Variants in OTUB1 observed in about 807,000 individuals in gnomAD.
OTUB1 encodes the protein OTU deubiquitinase, ubiquitin aldehyde binding 1, also known as ubiquitin thioesterase OTUB1.
OTUB1 carries 10 observed loss-of-function variants against 35.8 expected under a neutral mutation model. The observed-to-expected ratio is 0.28, with a 90% CI of 0.17 to 0.47. The LOEUF (loss-of-function observed/expected upper bound fraction) is 0.47, where lower values mean the gene tolerates loss of function less well. Ranked by LOEUF, OTUB1 falls within the 20% of genes least tolerant of loss-of-function variation. The pLI, the probability that OTUB1 is intolerant of heterozygous loss-of-function variation, is 0.99. For missense variants in OTUB1, 264 were observed against 351.6 expected, an observed-to-expected ratio of 0.75 and a Z score of 1.99; for synonymous variants, 158 against 143.8, an observed-to-expected ratio of 1.10 and a Z score of -0.71.
At position 63,996,958 on chromosome 11, in the gene OTUB1, G is replaced by A. The variant is rs1306534722; in HGVS notation, c.423+17G>A. The A allele has an allele frequency of 4.3e-6, 7 of 1,613,768 alleles. No homozygotes were observed. The highest frequency in any genetic ancestry group is 1.7e-4 in the Middle Eastern group (1 of 6,050). On this transcript the variant is annotated intron_variant, in intron 5 of 6. Coordinates refer to ENST00000538426, the MANE Select transcript of OTUB1 (RefSeq NM_017670.3). ...CACAACACGGTGAGCCCTGGTGCCT[G>A]TCTTGGGCTGGGCCATGGGGGAGGG...
Position 63,996,878 on chromosome 11 carries a change from G to A in OTUB1, c.360G>A (p.Lys120=). ...CCAGGTTCAAGGCTGTGTCTGCCAA[G>A]AGCAAGGAAGACCTGGTGTCCCAGG... is the stretch of plus-strand genomic sequence containing the variant. ...ELQRFKAVSA[K]SKEDLVSQGF... The change falls in exon 5 of 7, where the codon AAG becomes AAA. Residue 120 remains lysine, a synonymous_variant. Transcript: ENST00000538426. The A allele has an allele frequency of 6.2e-7, 1 of 1,614,196 alleles. No individual in the cohort carries two copies. Among genetic ancestry groups the A allele is most frequent in the Middle Eastern group, 1.7e-4 (1 of 6,060 alleles).
At chr11:63,988,221 C>A in intron 1 of OTUB1, 116 bp from the exon 2 acceptor site, 1 of 763,542 alleles carries the variant, frequency 1.3e-6, no homozygotes, top group Non-Finnish European at 2.1e-6. Flanking sequence ...AACATACCTG[C>A]TTCCAGATTC....
At chr11:63,989,765 CT>C (rs1426379936) in intron 3 of OTUB1, 2 of 149,362 alleles carry the variant, frequency 1.3e-5, no homozygotes, top group African/African-American at 5.0e-5. Context: ...GTGGCTTACA[CT>C]TGTAATCCCA....
chr11:63,993,261 A>G (rs561564114), intron 3 of OTUB1, among the ~76,000 whole-genome samples: 98 of 152,318 alleles, frequency 6.4e-4, no homozygotes, highest in Admixed American at 1.8e-3. Flanking sequence ...AGCTGCACTC[A>G]GTGGAAATGC....
In OTUB1 at chr11:63,986,479, A is replaced by C. The variant is rs1011086053; in HGVS notation, c.23A>C (p.Gln8Pro). 2.9e-5 allele frequency: 45 copies of C among 1,554,770 alleles called. No individual in the cohort carries two copies. Among genetic ancestry groups the C allele is most frequent in the Non-Finnish European group, 3.8e-5 (44 of 1,149,524 alleles). MAAEEPQ[Q>P]QKQEPLGSDS... ...AAGATGGCGGCGGAGGAACCTCAGC[A>C]GCAGAAGCAGGAGCCGCTGGGCAGC... The change falls in exon 1 of 7, where the codon CAG becomes CCG. Residue 8 changes from glutamine (Q) to proline (P), a missense_variant. Coordinates refer to ENST00000538426, the MANE Select transcript of OTUB1 (RefSeq NM_017670.3).
intron 1 of OTUB1, chr11:63,986,858 A>AGAGGCCTACGCCAGGGCC (rs1193557171): frequency 3.6e-6 from 1 of 274,682 alleles, no homozygotes; most frequent in Non-Finnish European, 6.8e-6. Flanking sequence ...AGTCAGGCAG[A>AGAGGCCTACGCCAGGGCC]GAGGCCTACG....
chr11:63,987,520 C>G (rs536691612), intron 1 of OTUB1, among the ~76,000 whole-genome samples: 2 of 152,032 alleles, frequency 1.3e-5, no homozygotes, highest in Admixed American at 6.5e-5. Context: ...GGCGAGGGTA[C>G]TCGCCCCATT....
In OTUB1 at chr11:63,997,106, C is replaced by T; in HGVS notation, c.480C>T (p.Ala160=). ...EKQTSVADLL[A]SFNDQSTSDY... ...AGACCTCTGTCGCCGACCTGCTGGC[C>T]TCCTTCAATGACCAGAGCACCTCCG... Residue 160 remains alanine, a synonymous_variant, in exon 6 of 7, where the codon GCC becomes GCT. Coordinates refer to ENST00000538426, the MANE Select transcript of OTUB1 (RefSeq NM_017670.3). 1.2e-6 allele frequency: 2 copies of T among 1,614,238 alleles called. No individual in the cohort carries two copies. The highest frequency in any genetic ancestry group is 1.1e-5 in the South Asian group (1 of 91,080).
chr11:63,997,295 C>A (rs1489263197), intron 6 of OTUB1, 51 bp downstream of exon 6: 1 of 1,611,064 alleles, frequency 6.2e-7, no homozygotes, highest in Non-Finnish European at 8.5e-7. Context: ...AGTGGGCCCA[C>A]AGGGCCTGGG....
In OTUB1 at chr11:63,996,644, C is replaced by T; in HGVS notation, c.334C>T (p.Gln112Ter). The T allele has an allele frequency of 6.2e-7, 1 of 1,614,214 alleles. No homozygotes were observed. Among genetic ancestry groups the T allele is most frequent in the Non-Finnish European group, 8.5e-7 (1 of 1,180,030 alleles). ...EALLDDSKEL[Q>*]RFKAVSAKSK... Reference sequence around the variant, plus strand: ...ACTGCTGGATGACAGCAAGGAGTTGCAGCGGTGAGAAGGGTGGGCACTGGG... The same window carrying T: ...ACTGCTGGATGACAGCAAGGAGTTGTAGCGGTGAGAAGGGTGGGCACTGGG... Residue 112 changes from glutamine to a stop codon, truncating the protein, a stop_gained, in exon 4 of 7, where the codon CAG (glutamine) becomes TAG (stop). Coordinates refer to ENST00000538426, the MANE Select transcript of OTUB1 (RefSeq NM_017670.3). LOFTEE classifies it high-confidence loss of function.
intron 3 of OTUB1, among the ~76,000 whole-genome samples, chr11:63,991,939 C>T (rs1221817859): frequency 6.6e-6 from 1 of 152,096 alleles, no homozygotes; most frequent in East Asian, 1.9e-4. Flanking sequence ...GGATCGGGGC[C>T]GGGCGTGGTG....
chr11:63,988,643 G>A lies in OTUB1; in HGVS notation c.121-11G>A, dbSNP rs1295638377. On this transcript the variant is annotated splice_polypyrimidine_tract_variant and intron_variant, in intron 2 of 6. Coordinates refer to ENST00000538426, the MANE Select transcript of OTUB1 (RefSeq NM_017670.3). ...CCCTGCTAGGACATGACAGATCCCTGCCTCCTCCAGATTGCTGTGCAGAAC... is the reference window on the plus strand; with the variant it reads ...CCCTGCTAGGACATGACAGATCCCTACCTCCTCCAGATTGCTGTGCAGAAC... 1 of 1,598,528 alleles carries A rather than the reference G, an allele frequency of 6.3e-7. No individual in the cohort carries two copies. Among genetic ancestry groups the A allele is most frequent in the East Asian group, 2.2e-5 (1 of 44,800 alleles).
Position 63,997,445 on chromosome 11 carries a change from G to A in OTUB1, c.715G>A (p.Gly239Ser), listed in dbSNP as rs945014300. The A allele has an allele frequency of 1.2e-6, 2 of 1,614,092 alleles. No homozygotes were observed. Among genetic ancestry groups the A allele is most frequent in the Non-Finnish European group, 1.7e-6 (2 of 1,180,010 alleles). ...VSIQVEYMDR[G>S]EGGTTNPHIF... ...CATCCAGGTGGAGTACATGGACCGCGGCGAGGGCGGCACCACCAATCCGCA... is the reference window on the plus strand; with the variant it reads ...CATCCAGGTGGAGTACATGGACCGCAGCGAGGGCGGCACCACCAATCCGCA... The change falls in exon 7 of 7, where the codon GGC becomes AGC. Residue 239 changes from glycine to serine, a missense_variant. Gly to Ser is a moderately conservative substitution (Grantham distance 56, BLOSUM62 0). Around this residue, in one of 2 missense-constraint regions of OTUB1, gnomAD observed 214 missense variants for 317.1 expected, o/e 0.67. Coordinates refer to ENST00000538426, the MANE Select transcript of OTUB1 (RefSeq NM_017670.3).
intron 3 of OTUB1, among the ~76,000 whole-genome samples, chr11:63,993,147 A>G (rs1245306211): frequency 6.6e-6 from 1 of 152,106 alleles, no homozygotes; most frequent in African/African-American, 2.4e-5. Context: ...TATTGAAGGG[A>G]TGGATATGGT....
intron 3 of OTUB1, among the ~76,000 whole-genome samples, chr11:63,991,479 C>T (rs957963589): frequency 2.6e-5 from 4 of 152,318 alleles, no homozygotes; most frequent in Admixed American, 1.3e-4. Context: ...GTCTAAAAGG[C>T]CTCTCTGTGC....
At chr11:63,994,315 C>T (rs1008113538) in intron 3 of OTUB1, among the ~76,000 whole-genome samples, 1 of 152,060 alleles carries the variant, frequency 6.6e-6, no homozygotes, top group South Asian at 2.1e-4. Context: ...TGCAGTGGAG[C>T]GATCTCGGCT....
intron 3 of OTUB1, among the ~76,000 whole-genome samples, chr11:63,992,496 C>T (rs1016795751): frequency 6.6e-6 from 1 of 151,406 alleles, no homozygotes; most frequent in African/African-American, 2.4e-5. Flanking sequence ...AGAGAAAGGA[C>T]TCTGAGGGAG....
chr11:63,988,634 C>T lies in OTUB1; in HGVS notation c.121-20C>T, dbSNP rs773902347. Reference sequence around the variant, plus strand: ...ACTCCATCTCCCTGCTAGGACATGACAGATCCCTGCCTCCTCCAGATTGCT... The same window carrying T: ...ACTCCATCTCCCTGCTAGGACATGATAGATCCCTGCCTCCTCCAGATTGCT... On this transcript the variant is annotated intron_variant, in intron 2 of 6. Transcript: ENST00000538426. The T allele has an allele frequency of 8.9e-6, 14 of 1,577,094 alleles. No individual in the cohort carries two copies. The highest frequency in any genetic ancestry group is 4.4e-6 in the Non-Finnish European group (5 of 1,146,738).
intron 4 of OTUB1, 27 bp from the exon 5 acceptor site, chr11:63,996,830 G>C (rs7939571): frequency 0.058 from 93,734 of 1,613,950 alleles, 7,449 homozygotes; most frequent in African/African-American, 0.39. Flanking sequence ...AGCCCATGCT[G>C]GGCCCGCCTT....
Sources: allele counts gnomAD v4.1 joint callset (sites outside exome capture counted in the v4.1 genomes callset), GRCh38; gene constraint gnomAD v4.1.1; regional missense constraint gnomAD v4.1.1; transcripts MANE v1.5; gene names NCBI Gene and HGNC (gene_info 2026-07-23, HGNC 2026-07-21).